The following FARP2 variants were observed in gnomAD, a reference collection of about 807,000 sequenced individuals.
The protein encoded by FARP2 is FERM, ARHGEF and pleckstrin domain-containing protein 2.
Under a neutral mutation model 130.5 loss-of-function variants are expected in FARP2, and 111 were observed. That is an observed-to-expected ratio of 0.85 (90% CI 0.73 to 1.00). The LOEUF (loss-of-function observed/expected upper bound fraction) is 1.00. Ranked by LOEUF, FARP2 falls within the 50% of genes least tolerant of loss-of-function variation. The probability of loss-of-function intolerance (pLI) is 0.00; values close to 1 mark genes in which losing one functional copy is unlikely to be tolerated. For synonymous variants in FARP2, 504 were observed against 516.9 expected (o/e 0.98, Z 0.34); for missense variants, 1,385 against 1,346.3 (o/e 1.03, Z -0.45).
chr2:241,423,097 C>G (rs528094922), intron 8 of FARP2, among the ~76,000 whole-genome samples: 20 of 152,294 alleles, frequency 1.3e-4, no homozygotes, highest in African/African-American at 4.8e-4. Flanking sequence ...TATTCAAATT[C>G]AGGAAATGCA....
At position 241,413,413 on chromosome 2, in the gene FARP2, G is replaced by C. The variant is rs765753246; in HGVS notation, c.615G>C (p.Gln205His). ...TTGAGAAGATACTAGAATTCCATCA[G>C]AAGCACGTGTAAGTCATCACAATTG... ...HCLEKILEFH[Q>H]KHVGQTPAES... The change falls in exon 7 of 27, where the codon CAG (glutamine) becomes CAC (histidine). Residue 205 changes from glutamine to histidine, a missense_variant. Gln to His is a conservative substitution (Grantham distance 24). Transcript: ENST00000264042. 6.9e-6 allele frequency: 11 copies of C among 1,603,558 alleles called. No homozygotes were observed. The African/African-American group carries it at 1.5e-4, about 21-fold the overall frequency.
At chr2:241,484,785 T>C (rs1178472682) in intron 21 of FARP2, among the ~76,000 whole-genome samples, 2 of 152,196 alleles carry the variant, frequency 1.3e-5, no homozygotes, top group African/African-American at 4.8e-5. Flanking sequence ...CTTTGTCCTT[T>C]GTGGTTAGTG....
chr2:241,443,706 G>C (rs903908274), intron 13 of FARP2: 1 of 152,290 alleles, frequency 6.6e-6, no homozygotes, highest in Non-Finnish European at 1.5e-5. Context: ...CACAAGTGCC[G>C]GTCTCAGGCC....
intron 2 of FARP2, among the ~76,000 whole-genome samples, chr2:241,399,904 A>G (rs2062123423): frequency 6.6e-6 from 1 of 152,216 alleles, no homozygotes; most frequent in African/African-American, 2.4e-5. Flanking sequence ...GGCACCATTC[A>G]TGAAAAGATC....
intron 12 of FARP2, among the ~76,000 whole-genome samples, chr2:241,440,053 A>G (rs2063342135): frequency 6.6e-6 from 1 of 152,242 alleles, no homozygotes; most frequent in Non-Finnish European, 1.5e-5. Context: ...TGGTTGAATA[A>G]TTGAGACATG....
chr2:241,428,841 TC>T (rs2063023822), intron 8 of FARP2, among the ~76,000 whole-genome samples: 1 of 152,194 alleles, frequency 6.6e-6, no homozygotes, highest in African/African-American at 2.4e-5. Context: ...CAGGCACCCA[TC>T]AGGATATTCC....
At chr2:241,469,897 C>G (rs1216209803) in intron 18 of FARP2, among the ~76,000 whole-genome samples, 1 of 152,222 alleles carries the variant, frequency 6.6e-6, no homozygotes, top group Non-Finnish European at 1.5e-5. Flanking sequence ...CTCTGTGAAG[C>G]TGTTTGTGAA....
chr2:241,473,692 G>A (rs564038218), intron 18 of FARP2, among the ~76,000 whole-genome samples: 10 of 152,314 alleles, frequency 6.6e-5, no homozygotes, highest in South Asian at 6.2e-4. Flanking sequence ...TGGACATGGC[G>A]TGATGAGTCT....
chr2:241,414,305 C>T (rs113924469), intron 7 of FARP2, among the ~76,000 whole-genome samples: 1 of 152,300 alleles, frequency 6.6e-6, no homozygotes, highest in African/African-American at 2.4e-5. Flanking sequence ...GGAAAGGGCT[C>T]TGGGCTCTGG....
chr2:241,381,629 T>C (rs1321773072), intron 2 of FARP2, among the ~76,000 whole-genome samples: 1 of 152,224 alleles, frequency 6.6e-6, no homozygotes, highest in African/African-American at 2.4e-5. Context: ...GTAAGGAAGC[T>C]AATTCTACAT....
In FARP2 at chr2:241,475,981, T is replaced by C. The variant is rs764351039; in HGVS notation, c.2256T>C (p.Pro752=). The change falls in exon 19 of 27, where the codon CCT becomes CCC. Residue 752 remains proline (P), a synonymous_variant. Transcript: ENST00000264042. The surrounding 1 kb of genome is among the most constrained non-coding windows in gnomAD (Gnocchi z 4.4). The part of the protein sequence containing the change: ...DLVGIENLIA[P]GREFIREGCL... Reference sequence around the variant, plus strand: ...TGGGCATAGAGAACCTCATTGCTCCTGGCAGGGTGAGTGACCTTGCTCTGG... The same window carrying C: ...TGGGCATAGAGAACCTCATTGCTCCCGGCAGGGTGAGTGACCTTGCTCTGG... 1 of 1,612,018 alleles carries C rather than the reference T, an allele frequency of 6.2e-7. No individual in the cohort carries two copies. Among genetic ancestry groups the C allele is most frequent in the South Asian group, 1.1e-5 (1 of 90,658 alleles).
At chr2:241,492,024 G>C (rs1214794744) in intron 24 of FARP2, among the ~76,000 whole-genome samples, 1 of 152,152 alleles carries the variant, frequency 6.6e-6, no homozygotes, top group Non-Finnish European at 1.5e-5. Context: ...CCTCGGGCTT[G>C]GAGCTCGAGG....
At chr2:241,434,607 T>G (rs558747131) in intron 10 of FARP2, among the ~76,000 whole-genome samples, 1 of 152,330 alleles carries the variant, frequency 6.6e-6, no homozygotes, top group Admixed American at 6.5e-5. Context: ...ATCCCAGCAC[T>G]TTGGAAGGCC....
At chr2:241,444,460 A>G (rs2063465648) in intron 13 of FARP2, 1 of 152,224 alleles carries the variant, frequency 6.6e-6, no homozygotes, top group Non-Finnish European at 1.5e-5. Flanking sequence ...GATGCTGTGA[A>G]CTAACAAAGT....
In FARP2 at chr2:241,494,044, C is replaced by T. The variant is rs770157076; in HGVS notation, c.3084C>T (p.Ala1028=). 6.4e-6 allele frequency: 9 copies of T among 1,414,886 alleles called. No individual in the cohort carries two copies. The highest frequency in any genetic ancestry group is 2.8e-5 in the East Asian group (1 of 36,306). The allele number at this position is 1,414,886 out of a possible 1,614,324, so 87.6% of individuals were successfully genotyped here. A position where few individuals can be genotyped will look rare whatever the true frequency, so the allele number is the denominator to read the frequency against. ...TGATCCAGGGGGCCAGCAGCTCAGC[C>T]GGGAGGGCCCCAAGCATCGTGCAGG... The part of the protein sequence containing the change: ...MEVIQGASSS[A]GRAPSIVQDG... The change falls in exon 27 of 27, where the codon GCC becomes GCT. Residue 1028 remains alanine, a synonymous_variant. Coordinates refer to ENST00000264042, the MANE Select transcript of FARP2 (RefSeq NM_014808.4). This position sits in a 1 kb window ranked among gnomAD's most constrained non-coding sequence, Gnocchi z 4.9.
chr2:241,407,348 T>C (rs1312796130), intron 4 of FARP2, among the ~76,000 whole-genome samples, 189 bp from the exon 5 acceptor site: 1 of 152,054 alleles, frequency 6.6e-6, no homozygotes, highest in African/African-American at 2.4e-5. Flanking sequence ...CACCTCAGCC[T>C]CCCAAAGGGG....
intron 2 of FARP2, chr2:241,387,096 T>A (rs2061802367): frequency 6.6e-6 from 1 of 152,254 alleles, no homozygotes; most frequent in African/African-American, 2.4e-5. Flanking sequence ...GTTCGCCACA[T>A]TCTAGTTGCT....
In FARP2 at chr2:241,441,378, C is replaced by G. The variant is rs763842428; in HGVS notation, c.1233C>G (p.Pro411=). 1 of 1,614,228 alleles carries G rather than the reference C, an allele frequency of 6.2e-7. No individual in the cohort carries two copies. Among genetic ancestry groups the G allele is most frequent in the Non-Finnish European group, 8.5e-7 (1 of 1,180,024 alleles). Residue 411 remains proline, a synonymous_variant, in exon 13 of 27, where the codon CCC becomes CCG. Transcript: ENST00000264042. ...CGAATGCCTTTTACTCGCTCTCTCC[C>G]TCCACTCTGGTCCCCTCTGGCCTGC... is the stretch of plus-strand genomic sequence containing the variant. ...SSANAFYSLS[P]STLVPSGLPE...
chr2:241,486,580 C>T (rs1018600304), intron 21 of FARP2, among the ~76,000 whole-genome samples: 5 of 152,054 alleles, frequency 3.3e-5, no homozygotes, highest in African/African-American at 7.2e-5. Flanking sequence ...CCATCACCCA[C>T]GGGCTGTTTT....
Sources: allele counts gnomAD v4.1 joint callset (sites outside exome capture counted in the v4.1 genomes callset), GRCh38; gene constraint gnomAD v4.1.1; non-coding constraint Gnocchi (gnomAD v3.1); transcripts MANE v1.5; gene names NCBI Gene and HGNC (gene_info 2026-07-23, HGNC 2026-07-21).